The following ZFR2 variants were observed in gnomAD, a reference collection of about 807,000 sequenced individuals.
ZFR2 encodes the protein zinc finger RNA binding protein 2.
A neutral mutation model predicts 105.7 loss-of-function variants in ZFR2; 104 were observed. The observed-to-expected ratio is 0.98, with a 90% CI of 0.84 to 1.16. The LOEUF is 1.16. Among genes scored for constraint, ZFR2 ranks in the 50% most tolerant of loss-of-function variants. The probability of loss-of-function intolerance (pLI) is 0.00; values close to 1 mark genes in which losing one functional copy is unlikely to be tolerated. For missense variants in ZFR2, 1,425 were observed against 1,355.5 expected, an observed-to-expected ratio of 1.05 and a Z score of -0.80; for synonymous variants, 634 against 597.7, an observed-to-expected ratio of 1.06 and a Z score of -0.89.
chr19:3,824,238 T>G (rs1041245115), intron 7 of ZFR2, among the ~76,000 whole-genome samples: 1 of 152,128 alleles, frequency 6.6e-6, no homozygotes, highest in Non-Finnish European at 1.5e-5. Flanking sequence ...AGGTGGAGGC[T>G]GCAGTGAGCT....
rs531517310 is a variant in ZFR2, at chr19:3,811,413, C to T, written c.2243-47G>A. On this transcript the variant is annotated intron_variant, in intron 14 of 18. Coordinates refer to ENST00000262961, the MANE Select transcript of ZFR2 (RefSeq NM_015174.2). ...GGTGTGCGGGGAAGGTGCCTCGTCC[C>T]GCTCTGCTGCCGACGGGGTGAGGGG... The T allele has an allele frequency of 1.7e-5, 26 of 1,529,362 alleles. No homozygotes were observed. The African/African-American group carries it at 2.1e-4, about 12-fold the overall frequency. The allele number at this position is 1,529,362 out of a possible 1,614,324, so 94.7% of individuals were successfully genotyped here.
At chr19:3,807,916 T>C (rs2037717998) in intron 17 of ZFR2, among the ~76,000 whole-genome samples, 1 of 148,658 alleles carries the variant, frequency 6.7e-6, no homozygotes, top group Admixed American at 6.7e-5. Context: ...TATGTGTATA[T>C]GCCCATGTGT....
intron 6 of ZFR2, among the ~76,000 whole-genome samples, chr19:3,826,580 C>T (rs1322521300): frequency 6.6e-6 from 1 of 151,966 alleles, no homozygotes; most frequent in East Asian, 1.9e-4. Flanking sequence ...AGATTACAGG[C>T]ACGCACCCAC....
chr19:3,868,865 G>A, intron 1 of ZFR2, 100 bp downstream of exon 1: 1 of 1,015,072 alleles, frequency 9.9e-7, no homozygotes. Context: ...GCTGGGACTG[G>A]GGCCGGGCCG....
chr19:3,821,682 C>T (rs889673478), intron 9 of ZFR2, among the ~76,000 whole-genome samples: 2 of 146,472 alleles, frequency 1.4e-5, no homozygotes, highest in African/African-American at 2.5e-5. Flanking sequence ...GGTGTGACCT[C>T]GGCTCACTGC....
chr19:3,807,078 A>C, intron 18 of ZFR2, 94 bp downstream of exon 18: 1 of 938,044 alleles, frequency 1.1e-6, no homozygotes, highest in Admixed American at 2.6e-5. Flanking sequence ...GGAGGGAGAG[A>C]AGGGGAAACC....
chr19:3,839,201 G>A (rs766046388), intron 1 of ZFR2, among the ~76,000 whole-genome samples: 34 of 152,150 alleles, frequency 2.2e-4, no homozygotes, highest in Non-Finnish European at 4.3e-4. Context: ...TTTCTCTTCT[G>A]GAAGTCTCAG....
chr19:3,867,304 T>TGCGG (rs1555762877), intron 1 of ZFR2, among the ~76,000 whole-genome samples: 13 of 149,760 alleles, frequency 8.7e-5, no homozygotes, highest in African/African-American at 3.0e-4. Flanking sequence ...GATCAACTGT[T>TGCGG]GGGGGGGGAA....
chr19:3,805,948 C>T lies in ZFR2; in HGVS notation c.*1G>A. On this transcript the variant is annotated 3_prime_UTR_variant, in exon 19 of 19. Transcript: ENST00000262961. ...GCCCGCAGGTGGGGGAGGTAGGCGG[C>T]TCACACGAGCCCCTCTCCGCCCCGC... 1 of 1,528,848 alleles carries T rather than the reference C, an allele frequency of 6.5e-7. No homozygotes were observed. The allele number at this position is 1,528,848 out of a possible 1,614,324, so 94.7% of individuals were successfully genotyped here. A position where few individuals can be genotyped will look rare whatever the true frequency, so the allele number is the denominator to read the frequency against.
In ZFR2 at chr19:3,805,924, C is replaced by T. The variant is rs760387198; in HGVS notation, c.*25G>A. The stretch of plus-strand genomic sequence containing the variant: ...GTCCAGGAGTGCAGGGATGCAAAGG[C>T]CCGCAGGTGGGGGAGGTAGGCGGCT... On this transcript the variant is annotated 3_prime_UTR_variant, in exon 19 of 19. Coordinates refer to ENST00000262961, the MANE Select transcript of ZFR2 (RefSeq NM_015174.2). 3 of 1,513,010 alleles carry T rather than the reference C, an allele frequency of 2.0e-6. No individual in the cohort carries two copies. The highest frequency in any genetic ancestry group is 1.2e-5 in the South Asian group (1 of 81,076). 93.7% of individuals were successfully genotyped at this position (1,513,010 alleles called of 1,614,324 possible).
chr19:3,810,725 G>C, intron 16 of ZFR2, 25 bp downstream of exon 16: 1 of 1,542,430 alleles, frequency 6.5e-7, no homozygotes, highest in Non-Finnish European at 8.8e-7. Context: ...CCAGTGGAGG[G>C]CCGGGCCGCC....
At chr19:3,819,803 C>T (rs932164497) in intron 11 of ZFR2, among the ~76,000 whole-genome samples, 1 of 149,540 alleles carries the variant, frequency 6.7e-6, no homozygotes, top group African/African-American at 2.5e-5. Context: ...AGTGAGGCCA[C>T]GATTGCACCG....
At chr19:3,825,042 G>C (rs900973760) in intron 7 of ZFR2, among the ~76,000 whole-genome samples, 188 bp downstream of exon 7, 3 of 152,232 alleles carry the variant, frequency 2.0e-5, no homozygotes, top group Non-Finnish European at 2.9e-5. Context: ...CCAAGGTTCA[G>C]GGCGGTGTGG....
intron 1 of ZFR2, among the ~76,000 whole-genome samples, chr19:3,845,792 C>CA (rs1246091937): frequency 1.3e-5 from 2 of 151,578 alleles, no homozygotes; most frequent in African/African-American, 2.4e-5. Flanking sequence ...GATCCTGTCT[C>CA]AAAAAAAGAA....
chr19:3,808,748 G>A (rs772180483), intron 17 of ZFR2, 124 bp downstream of exon 17: 25 of 780,338 alleles, frequency 3.2e-5, no homozygotes, highest in Non-Finnish European at 4.3e-5. Flanking sequence ...GTTGTGGGCC[G>A]CACTCCTGCC....
At chr19:3,851,410 T>G (rs1291407540) in intron 1 of ZFR2, among the ~76,000 whole-genome samples, 1 of 152,222 alleles carries the variant, frequency 6.6e-6, no homozygotes. Flanking sequence ...TTGGCCTGCC[T>G]CATCTCAAGT....
chr19:3,857,903 C>G (rs1454922452), intron 1 of ZFR2, among the ~76,000 whole-genome samples: 3 of 152,072 alleles, frequency 2.0e-5, no homozygotes, highest in African/African-American at 7.2e-5. Context: ...GAGAAGAGCA[C>G]AGGTGGGAAA....
chr19:3,822,016 T>C, intron 9 of ZFR2, 65 bp downstream of exon 9: 3 of 1,520,896 alleles, frequency 2.0e-6, no homozygotes, highest in Non-Finnish European at 2.7e-6. Flanking sequence ...ACCACAGGCC[T>C]CCCAGCGCCC....
chr19:3,844,022 G>GGGGGA (rs1555757865), intron 1 of ZFR2, among the ~76,000 whole-genome samples: 1 of 148,026 alleles, frequency 6.8e-6, no homozygotes, highest in Non-Finnish European at 1.5e-5. Flanking sequence ...GTGGGGGGGG[G>GGGGGA]GGTGCCAGGG....
Sources: gnomAD v4.1 joint callset for allele counts (sites outside exome capture counted in the v4.1 genomes callset) on GRCh38, gnomAD v4.1.1 for gene constraint, MANE v1.5 for transcripts, NCBI Gene and HGNC (gene_info 2026-07-23, HGNC 2026-07-21) for gene names.